Variants in SEMA6D observed in about 807,000 individuals in gnomAD.
SEMA6D encodes semaphorin-6D.
Under a neutral mutation model 106.6 loss-of-function variants are expected in SEMA6D, and 35 were observed. The ratio of observed to expected loss-of-function variants is 0.33; its 90% CI spans 0.25 to 0.44. SEMA6D has a LOEUF of 0.44. Among genes scored for constraint, SEMA6D ranks in the 20% least tolerant of loss-of-function variants. The pLI, the probability that SEMA6D is intolerant of heterozygous loss-of-function variation, is 1.00. For synonymous variants in SEMA6D, 499 were observed against 487.7 expected (o/e 1.02, Z -0.31); for missense variants, 1,185 against 1,345.9 (o/e 0.88, Z 1.87).
At chr15:47,237,579 G>A (rs1032740813) in intron 1 of SEMA6D, among the ~76,000 whole-genome samples, 1 of 151,832 alleles carries the variant, frequency 6.6e-6, no homozygotes, top group African/African-American at 2.4e-5. Flanking sequence ...GAATTGGCTT[G>A]GTAGTCTGGG....
chr15:47,185,496 GCCC>G (rs1308310256), intron 1 of SEMA6D, among the ~76,000 whole-genome samples: 1 of 151,932 alleles, frequency 6.6e-6, no homozygotes, highest in Admixed American at 6.6e-5. Flanking sequence ...TTATTTTTTC[GCCC>G]CCTCCCTCCT....
intron 1 of SEMA6D, among the ~76,000 whole-genome samples, chr15:47,365,167 G>T (rs1007248645): frequency 6.6e-6 from 1 of 152,164 alleles, no homozygotes; most frequent in African/African-American, 2.4e-5. Flanking sequence ...CAAAAGAGAC[G>T]ACCTGCTGAT....
chr15:47,301,012 T>G (rs2142992524), intron 1 of SEMA6D, among the ~76,000 whole-genome samples: 1 of 152,330 alleles, frequency 6.6e-6, no homozygotes, highest in Middle Eastern at 3.4e-3. Flanking sequence ...ATGGAAAAAT[T>G]ATATCTTGAG....
intron 2 of SEMA6D, among the ~76,000 whole-genome samples, chr15:47,453,298 C>T (rs7171859): frequency 6.7e-6 from 1 of 148,246 alleles, no homozygotes; most frequent in Non-Finnish European, 1.5e-5. Context: ...AAAAAAAAAA[C>T]ACCCTTTCAA....
intron 4 of SEMA6D, among the ~76,000 whole-genome samples, chr15:47,667,075 G>A (rs906676287): frequency 4.6e-5 from 7 of 152,084 alleles, no homozygotes; most frequent in East Asian, 1.9e-4. Flanking sequence ...AACCCATTCC[G>A]TCAGCCTCCA....
chr15:47,230,132 T>C (rs549801626), intron 1 of SEMA6D, among the ~76,000 whole-genome samples: 1 of 152,214 alleles, frequency 6.6e-6, no homozygotes, highest in African/African-American at 2.4e-5. Flanking sequence ...TGGCAAAGAA[T>C]ATTTGAGGAT....
chr15:47,624,557 C>A (rs1403710316), intron 4 of SEMA6D, among the ~76,000 whole-genome samples: 2 of 152,160 alleles, frequency 1.3e-5, no homozygotes, highest in African/African-American at 4.8e-5. Flanking sequence ...AAAATGATTT[C>A]ATCAACAAAG....
rs184531524 is a variant in SEMA6D at position 47,774,118 on chromosome 15, C to A, written c.*2333C>A. ...TATACTGTTTTATAGAGTACTTTAA[C>A]ATGAATAGATACCTTGTAAACTTGT... On this transcript the variant is annotated 3_prime_UTR_variant, in exon 19 of 19. Transcript: ENST00000536845. 200 of 152,648 alleles carry A rather than the reference C, an allele frequency of 1.3e-3. No individual in the cohort carries two copies. The highest frequency in any genetic ancestry group is 4.5e-3 in the African/African-American group (186 of 41,526). 9.5% of individuals were successfully genotyped at this position (152,648 alleles called of 1,614,324 possible).
chr15:47,552,345 A>G (rs1381386587), intron 3 of SEMA6D, among the ~76,000 whole-genome samples: 1 of 152,048 alleles, frequency 6.6e-6, no homozygotes, highest in Non-Finnish European at 1.5e-5. Context: ...TAAAATAGCT[A>G]TGTAGAAGAT....
At chr15:47,703,413 A>C (rs1423942385) in intron 4 of SEMA6D, among the ~76,000 whole-genome samples, 1 of 152,218 alleles carries the variant, frequency 6.6e-6, no homozygotes, top group Non-Finnish European at 1.5e-5. Flanking sequence ...GCATAGTTAA[A>C]TTTATGACAT....
At chr15:47,217,692 C>G (rs1209271385) in intron 1 of SEMA6D, among the ~76,000 whole-genome samples, 2 of 151,250 alleles carry the variant, frequency 1.3e-5, no homozygotes, top group Non-Finnish European at 2.9e-5. Flanking sequence ...TCATTTTACA[C>G]CTTCCTATAC....
chr15:47,272,978 A>T (rs2034625435), intron 1 of SEMA6D: 1 of 152,216 alleles, frequency 6.6e-6, no homozygotes, highest in Admixed American at 6.6e-5. Flanking sequence ...GTAAGTTTGC[A>T]GGAATTTCTT....
rs948129576 is a variant in SEMA6D at position 47,555,822 on chromosome 15, T to C, written c.-86-45043T>C. Among the ~76,000 whole-genome samples, 4 of 152,288 alleles carry C rather than the reference T, an allele frequency of 2.6e-5. No individual in the cohort carries two copies. The East Asian group carries it at 7.7e-4, about 29-fold the overall frequency. On this transcript the variant is annotated intron_variant, in intron 3 of 19. Coordinates refer to the SEMA6D transcript ENST00000558014. The stretch of plus-strand genomic sequence containing the variant: ...GATGAGCATAAATTGGGTCAAATTC[T>C]CTTAGGAAAGCCAAAATATAGATAC...
At chr15:47,210,023 A>G (rs577559345) in intron 1 of SEMA6D, among the ~76,000 whole-genome samples, 31 of 152,298 alleles carry the variant, frequency 2.0e-4, no homozygotes, top group African/African-American at 7.5e-4. Context: ...ATGATATAAG[A>G]AGTCTTTACT....
intron 2 of SEMA6D, among the ~76,000 whole-genome samples, chr15:47,426,476 T>G (rs1202350311): frequency 6.6e-6 from 1 of 152,130 alleles, no homozygotes. Context: ...TGTCTTCTAG[T>G]CCGACATTGT....
chr15:47,436,768 AATAT>A (rs535187294), intron 2 of SEMA6D, among the ~76,000 whole-genome samples: 111 of 125,364 alleles, frequency 8.9e-4, no homozygotes, highest in African/African-American at 1.7e-3. Flanking sequence ...TAAAAAAAAA[AATAT>A]ATATATATAT....
chr15:47,683,104 C>G (rs926411638), intron 4 of SEMA6D, among the ~76,000 whole-genome samples: 2 of 152,102 alleles, frequency 1.3e-5, no homozygotes, highest in African/African-American at 4.8e-5. Context: ...TGAAGGTTTG[C>G]TACATAGATA....
Position 47,766,682 on chromosome 15 carries a change from G to C in SEMA6D, c.1708+5G>C. 1.9e-6 allele frequency: 3 copies of C among 1,588,290 alleles called. No individual in the cohort carries two copies. The highest frequency in any genetic ancestry group is 2.6e-6 in the Non-Finnish European group (3 of 1,157,490). On this transcript the variant is annotated splice_donor_5th_base_variant and intron_variant, in intron 16 of 18. Transcript: ENST00000536845. The stretch of plus-strand genomic sequence containing the variant: ...CTCATCTAGGGGACTGCCATGGTAA[G>C]ACAGAATCTTCCATTCCCACCTGGA...
chr15:47,228,137 TACAC>T lies in SEMA6D; in HGVS notation c.-239+43743_-239+43746del, dbSNP rs72361942. On this transcript the variant is annotated intron_variant, in intron 1 of 19. Coordinates refer to the SEMA6D transcript ENST00000558014. ...AAGAATTCATATATATGTGTGTGTG[TACAC>T]ACACACACACACACACACACACATA... 6.9e-3 allele frequency among the ~76,000 whole-genome samples: 934 copies of T among 135,066 alleles called. 23 individuals carry two copies. Among genetic ancestry groups the T allele is most frequent in the Admixed American group, 0.045 (592 of 13,208 alleles). The allele number at this position is 135,066 out of a possible 152,430, so 88.6% of individuals were successfully genotyped here.
Sources: gnomAD v4.1 joint callset for allele counts (sites outside exome capture counted in the v4.1 genomes callset) on GRCh38, gnomAD v4.1.1 for gene constraint, MANE v1.5 for transcripts, NCBI Gene and HGNC (gene_info 2026-07-23, HGNC 2026-07-21) for gene names.